SUPT3H: variants seen among roughly 807,000 people sequenced by gnomAD.
SUPT3H encodes the protein transcription initiation protein SPT3 homolog.
A neutral mutation model predicts 44.3 loss-of-function variants in SUPT3H; 44 were observed. That is an observed-to-expected ratio of 0.99 (90% CI 0.78 to 1.28). SUPT3H has a LOEUF of 1.28. Ranked by LOEUF, SUPT3H falls within the 50% of genes most tolerant of loss-of-function variation. The probability of loss-of-function intolerance (pLI) is 0.00; values close to 1 mark genes in which losing one functional copy is unlikely to be tolerated. For synonymous variants in SUPT3H, 124 were observed against 125.6 expected, an observed-to-expected ratio of 0.99 and a Z score of 0.09; for missense variants, 380 against 387.1, an observed-to-expected ratio of 0.98 and a Z score of 0.15.
intron 5 of SUPT3H, among the ~76,000 whole-genome samples, chr6:45,007,570 C>G (rs564585461): frequency 6.6e-6 from 1 of 152,196 alleles, no homozygotes; most frequent in East Asian, 1.9e-4. Context: ...TGTGTTAACT[C>G]TAGAAAATCT....
intron 10 of SUPT3H, among the ~76,000 whole-genome samples, chr6:44,902,906 T>G (rs1219503355): frequency 2.0e-5 from 3 of 152,122 alleles, no homozygotes; most frequent in African/African-American, 7.2e-5. Context: ...ACATGGAAAC[T>G]GAACAACCTG....
rs199690545 is a variant in SUPT3H, at chr6:45,160,972, T to A, written c.102-54966A>T. 1.9e-4 allele frequency among the ~76,000 whole-genome samples: 29 copies of A among 152,186 alleles called. No homozygotes were observed. The East Asian group carries it at 4.6e-3, about 24-fold the overall frequency. On this transcript the variant is annotated intron_variant, in intron 2 of 10. Transcript: ENST00000371459. ...GAGGTGTTTGGGTCATGGGGGCGGA[T>A]CCCTCATGGCTTAGTGCTGTCCTTG...
Position 44,829,719 on chromosome 6 carries a change from A to G in SUPT3H, c.*97T>C. 1 of 1,428,396 alleles carries G rather than the reference A, an allele frequency of 7.0e-7. No homozygotes were observed. 88.5% of individuals were successfully genotyped at this position (1,428,396 alleles called of 1,614,324 possible). ...AACAGACCAGCCCACTCCCTCAGAT[A>G]AAAGAAAGGTAAATTTGTATTTTAT... is the stretch of plus-strand genomic sequence containing the variant. On this transcript the variant is annotated 3_prime_UTR_variant, in exon 11 of 11. Transcript: ENST00000371459.
chr6:45,208,015 GCTAAGCCT>G (rs1763463316), intron 2 of SUPT3H, among the ~76,000 whole-genome samples: 1 of 152,190 alleles, frequency 6.6e-6, no homozygotes, highest in Non-Finnish European at 1.5e-5. Flanking sequence ...CAGTCCAAAA[GCTAAGCCT>G]CTTGTGCCAA....
chr6:45,297,258 T>C (rs773310147), intron 2 of SUPT3H, among the ~76,000 whole-genome samples: 1 of 152,188 alleles, frequency 6.6e-6, no homozygotes, highest in East Asian at 1.9e-4. Flanking sequence ...GACTTTTGTC[T>C]TAGGTGCAGA....
intron 11 of SUPT3H, among the ~76,000 whole-genome samples, chr6:44,813,239 G>A (rs1766659965): frequency 6.6e-6 from 1 of 152,180 alleles, no homozygotes. Context: ...AGGTTGGAGT[G>A]CGGTGGTGCA....
chr6:45,271,413 T>C (rs936810038), intron 2 of SUPT3H, among the ~76,000 whole-genome samples: 1 of 152,082 alleles, frequency 6.6e-6, no homozygotes, highest in African/African-American at 2.4e-5. Context: ...GCTCCAGACA[T>C]GACTAAAAGA....
At position 45,062,867 on chromosome 6, in the gene SUPT3H, G is replaced by T. The variant is rs533545263; in HGVS notation, c.187-42235C>A. 7.6e-4 allele frequency among the ~76,000 whole-genome samples: 115 copies of T among 152,166 alleles called. 1 individual carries two copies. The highest frequency in any genetic ancestry group is 1.0e-3 in the Non-Finnish European group (70 of 68,026). On this transcript the variant is annotated intron_variant, in intron 3 of 10. Transcript: ENST00000371459. The stretch of plus-strand genomic sequence containing the variant: ...GCAGTCTGAGATCAAACTGCAAGGC[G>T]GCAGCGAGGCTGGGGGAGGGGCGCC...
intron 2 of SUPT3H, among the ~76,000 whole-genome samples, chr6:45,125,827 C>CAAAAAAAAAAAAAA (rs5875911): frequency 6.8e-6 from 1 of 147,352 alleles, no homozygotes. Flanking sequence ...AAACTATTAC[C>CAAAAAAAAAAAAAA]AAAAAAAAAA....
At chr6:45,086,201 T>C (rs570355116) in intron 3 of SUPT3H, among the ~76,000 whole-genome samples, 1 of 152,070 alleles carries the variant, frequency 6.6e-6, no homozygotes, top group South Asian at 2.1e-4. Context: ...AATGAACAAA[T>C]TTCATTATCT....
chr6:45,376,518 A>AC (rs1315083199), intron 1 of SUPT3H, among the ~76,000 whole-genome samples: 4 of 152,236 alleles, frequency 2.6e-5, no homozygotes, highest in Non-Finnish European at 5.9e-5. Context: ...TGCCTAGGCT[A>AC]CCACTAGTGC....
At chr6:45,060,160 A>ACAAAG (rs1791758552) in intron 3 of SUPT3H, among the ~76,000 whole-genome samples, 1 of 152,182 alleles carries the variant, frequency 6.6e-6, no homozygotes, top group Non-Finnish European at 1.5e-5. Flanking sequence ...AGCAAAAAGA[A>ACAAAG]CAAAGCTGAA....
At chr6:45,313,530 A>G (rs1784270400) in intron 2 of SUPT3H, among the ~76,000 whole-genome samples, 2 of 152,090 alleles carry the variant, frequency 1.3e-5, no homozygotes, top group African/African-American at 2.4e-5. Flanking sequence ...CACATAAACT[A>G]GAAAACCTAG....
chr6:45,222,236 G>A (rs1003875499), intron 2 of SUPT3H, among the ~76,000 whole-genome samples: 1 of 152,052 alleles, frequency 6.6e-6, no homozygotes, highest in Admixed American at 6.5e-5. Context: ...CCTAACATTA[G>A]ATACATTGCA....
intron 10 of SUPT3H, among the ~76,000 whole-genome samples, chr6:44,867,355 G>A (rs1775671786): frequency 6.6e-6 from 1 of 151,934 alleles, no homozygotes; most frequent in Non-Finnish European, 1.5e-5. Flanking sequence ...TGGCCGGGCT[G>A]GTTTCGAACT....
At chr6:45,063,151 C>A (rs1431242699) in intron 3 of SUPT3H, among the ~76,000 whole-genome samples, 1 of 144,318 alleles carries the variant, frequency 6.9e-6, no homozygotes, top group Non-Finnish European at 1.5e-5. Flanking sequence ...GGGTCCCTGA[C>A]CCCTGACCCC....
At chr6:44,858,549 C>T (rs897043488) in intron 10 of SUPT3H, among the ~76,000 whole-genome samples, 13 of 152,114 alleles carry the variant, frequency 8.5e-5, no homozygotes, top group Admixed American at 7.9e-4. Flanking sequence ...AGAGTAACTG[C>T]TAATTGATAA....
intron 2 of SUPT3H, among the ~76,000 whole-genome samples, chr6:45,344,060 T>C (rs190893819): frequency 1.5e-3 from 234 of 152,292 alleles, no homozygotes; most frequent in African/African-American, 5.2e-3. Flanking sequence ...TATGAGACAA[T>C]TGTATATATG....
At chr6:44,991,003 T>A (rs1180305475) in intron 6 of SUPT3H, among the ~76,000 whole-genome samples, 1 of 152,060 alleles carries the variant, frequency 6.6e-6, no homozygotes, top group Non-Finnish European at 1.5e-5. Flanking sequence ...TGGCCACTTT[T>A]GTAATTTAAC....
Sources: gnomAD v4.1 joint callset for allele counts (sites outside exome capture counted in the v4.1 genomes callset) on GRCh38, gnomAD v4.1.1 for gene constraint, MANE v1.5 for transcripts, NCBI Gene and HGNC (gene_info 2026-07-23, HGNC 2026-07-21) for gene names.